The following FGL1 variants were observed in gnomAD, a reference collection of about 807,000 sequenced individuals.
FGL1 encodes fibrinogen like 1.
Under a neutral mutation model 43.7 loss-of-function variants are expected in FGL1, and 59 were observed. The observed-to-expected ratio is 1.35, with a 90% CI of 1.10 to 1.68. The LOEUF is 1.68. Among genes scored for constraint, FGL1 ranks in the 40% most tolerant of loss-of-function variants. The pLI is 0.00. For missense variants in FGL1, 596 were observed against 373.0 expected, an observed-to-expected ratio of 1.60 and a Z score of -4.92; for synonymous variants, 192 against 126.5, an observed-to-expected ratio of 1.52 and a Z score of -3.48.
chr8:17,864,661 C>T lies in FGL1; in HGVS notation c.870G>A (p.Gly290=), dbSNP rs769983802. Residue 290 remains glycine, a synonymous_variant, in exon 8 of 8, where the codon GGG becomes GGA. Coordinates refer to ENST00000427924, the MANE Select transcript of FGL1 (RefSeq NM_004467.4). ...DNGIVWYTWH[G]WWYSLKSVVM... ...CCACAGATTTCAGAGAATACCACCA[C>T]CCATGCCAGGTGTACCAGACAATCC... 3.1e-6 allele frequency: 5 copies of T among 1,613,662 alleles called. No individual in the cohort carries two copies. The highest frequency in any genetic ancestry group is 3.3e-5 in the Admixed American group (2 of 59,900).
At chr8:17,879,161 C>G (rs546334261) in intron 3 of FGL1, among the ~76,000 whole-genome samples, 1 of 151,500 alleles carries the variant, frequency 6.6e-6, no homozygotes, top group African/African-American at 2.4e-5. Context: ...TTCCTATCAT[C>G]TGTCTTATTA....
intron 3 of FGL1, among the ~76,000 whole-genome samples, chr8:17,879,670 C>T (rs1443948888): frequency 6.6e-6 from 1 of 152,056 alleles, no homozygotes; most frequent in African/African-American, 2.4e-5. Flanking sequence ...GAGGCCTCCC[C>T]AGAAGCAGAT....
intron 1 of FGL1, 36 bp from the exon 2 acceptor site, chr8:17,885,607 C>A: frequency 6.3e-7 from 1 of 1,583,470 alleles, no homozygotes; most frequent in Non-Finnish European, 8.6e-7. Context: ...AATGTATCAA[C>A]CTTGAATTTT....
At chr8:17,885,433 G>A (rs1017023495) in intron 2 of FGL1, 59 bp downstream of exon 2, 1 of 1,429,164 alleles carries the variant, frequency 7.0e-7, no homozygotes. Context: ...CAAAATGAAA[G>A]AAAATTCAGA....
chr8:17,883,829 G>A (rs57124971), intron 2 of FGL1, among the ~76,000 whole-genome samples: 13,501 of 136,240 alleles, frequency 0.099, 1,304 homozygotes, highest in African/African-American at 0.25. Context: ...CTTCCCTTAC[G>A]TTTCCTTTCT....
intron 3 of FGL1, among the ~76,000 whole-genome samples, chr8:17,881,684 A>T (rs189753294): frequency 0.021 from 3,250 of 151,492 alleles, 57 homozygotes; most frequent in South Asian, 0.041. Flanking sequence ...ATACAAAAAA[A>T]GTAGCCGGGC....
chr8:17,870,300 A>G (rs187589405), intron 5 of FGL1, among the ~76,000 whole-genome samples: 1 of 152,190 alleles, frequency 6.6e-6, no homozygotes, highest in African/African-American at 2.4e-5. Context: ...GCTACCTTCA[A>G]GTAATCTTTT....
intron 2 of FGL1, among the ~76,000 whole-genome samples, chr8:17,885,264 C>T (rs903397371): frequency 1.3e-5 from 2 of 151,894 alleles, no homozygotes; most frequent in African/African-American, 4.8e-5. Context: ...AGGCTGGTTG[C>T]GAACTCCTGA....
At chr8:17,879,681 G>A (rs2053505973) in intron 3 of FGL1, among the ~76,000 whole-genome samples, 1 of 151,580 alleles carries the variant, frequency 6.6e-6, no homozygotes, top group Non-Finnish European at 1.5e-5. Flanking sequence ...AGAAGCAGAT[G>A]CTGCTATGCT....
intron 5 of FGL1, among the ~76,000 whole-genome samples, chr8:17,870,733 C>T (rs1418480473): frequency 2.0e-5 from 3 of 152,104 alleles, no homozygotes; most frequent in Admixed American, 6.5e-5. Flanking sequence ...TGGTGAAACC[C>T]TGTCTCTATT....
Position 17,864,712 on chromosome 8 carries a change from G to A in FGL1, c.819C>T (p.Gly273=), listed in dbSNP as rs781087649. The A allele has an allele frequency of 1.2e-6, 2 of 1,612,332 alleles. No individual in the cohort carries two copies. The highest frequency in any genetic ancestry group is 2.2e-5 in the East Asian group (1 of 44,824). The part of the protein sequence containing the change: ...SANLNGVYYS[G]PYTAKTDNGI... ...CATTGTCTGTTTTAGCCGTGTAGGGGCCGCTGTAGTATACACCATTCAGGT... is the reference window on the plus strand; with the variant it reads ...CATTGTCTGTTTTAGCCGTGTAGGGACCGCTGTAGTATACACCATTCAGGT... Residue 273 remains glycine (G), a synonymous_variant, in exon 8 of 8, where the codon GGC becomes GGT. Coordinates refer to ENST00000427924, the MANE Select transcript of FGL1 (RefSeq NM_004467.4).
rs1563457629 is a variant in FGL1 at position 17,882,820 on chromosome 8, T to TAGTATATAATATATTAAA, written c.64-642_64-641insTTTAATATATTATATACT. Among the ~76,000 whole-genome samples the TAGTATATAATATATTAAA allele has an allele frequency of 1.2e-3, 140 of 119,996 alleles. 2 individuals carry two copies. The highest frequency in any genetic ancestry group is 2.6e-3 in the African/African-American group (72 of 28,068). The allele number at this position is 119,996 out of a possible 152,430, so 78.7% of individuals were successfully genotyped here. ...AATATATTAAACAATATATAATATA[T>TAGTATATAATATATTAAA]CATATATAATATATTAAATAATATA... is the stretch of plus-strand genomic sequence containing the variant. On this transcript the variant is annotated intron_variant, in intron 2 of 7. Coordinates refer to ENST00000427924, the MANE Select transcript of FGL1 (RefSeq NM_004467.4).
intron 2 of FGL1, among the ~76,000 whole-genome samples, chr8:17,883,817 C>CCCTTCG (rs373385957): frequency 7.2e-6 from 1 of 139,268 alleles, no homozygotes; most frequent in Non-Finnish European, 1.5e-5. Context: ...CTTTCCCTTC[C>CCCTTCG]TCTTCCCTTA....
chr8:17,881,898 C>G, intron 3 of FGL1, 101 bp downstream of exon 3: 1 of 951,570 alleles, frequency 1.1e-6, no homozygotes, highest in Non-Finnish European at 1.6e-6. Flanking sequence ...CTTCATATTG[C>G]TTGTTACTGA....
rs1373998704 is a variant in FGL1, at chr8:17,883,013, T to C, written c.64-834A>G. ...TATATCATATGTAATATATTAAATA[T>C]ATAATATATATCATATGTAATATAT... is the stretch of plus-strand genomic sequence containing the variant. On this transcript the variant is annotated intron_variant, in intron 2 of 7. Transcript: ENST00000427924. Among the ~76,000 whole-genome samples the C allele has an allele frequency of 1.1e-4, 11 of 95,994 alleles. No homozygotes were observed. The East Asian group carries it at 3.4e-3, about 30-fold the overall frequency. 63.0% of individuals were successfully genotyped at this position (95,994 alleles called of 152,430 possible). A position where few individuals can be genotyped will look rare whatever the true frequency, so the allele number is the denominator to read the frequency against.
At chr8:17,875,970 C>T (rs2517296) in intron 3 of FGL1, among the ~76,000 whole-genome samples, 18,865 of 152,078 alleles carry the variant, frequency 0.12, 1,775 homozygotes, top group African/African-American at 0.25. Context: ...TTGGGTCTCA[C>T]CTAGGTTGAT....
chr8:17,876,469 T>A (rs574499637), intron 3 of FGL1, among the ~76,000 whole-genome samples: 20 of 152,292 alleles, frequency 1.3e-4, no homozygotes, highest in African/African-American at 4.6e-4. Flanking sequence ...TAGGCTTTAT[T>A]CATATATTTA....
At position 17,882,881 on chromosome 8, in the gene FGL1, TA is replaced by T. The variant is rs372225917; in HGVS notation, c.64-703del. On this transcript the variant is annotated intron_variant, in intron 2 of 7. Coordinates refer to ENST00000427924, the MANE Select transcript of FGL1 (RefSeq NM_004467.4). ...CATATATAATATATTAAATAATATATAATATATCTCATATATAATATATTAA... is the reference window on the plus strand; with the variant it reads ...CATATATAATATATTAAATAATATATATATATCTCATATATAATATATTAA... Among the ~76,000 whole-genome samples the T allele has an allele frequency of 3.4e-3, 92 of 27,176 alleles. 4 individuals are homozygous for T. Among genetic ancestry groups the T allele is most frequent in the African/African-American group, 9.3e-3 (76 of 8,188 alleles). 17.8% of individuals were successfully genotyped at this position (27,176 alleles called of 152,430 possible).
Position 17,864,456 on chromosome 8 carries a change from C to T in FGL1, c.*136G>A. On this transcript the variant is annotated 3_prime_UTR_variant, in exon 8 of 8. Coordinates refer to ENST00000427924, the MANE Select transcript of FGL1 (RefSeq NM_004467.4). ...GCTGTACTGAAAGCACATTAAGTAACAAAGGCAAGTGAGAAGAATGAAAAG... is the reference window on the plus strand; with the variant it reads ...GCTGTACTGAAAGCACATTAAGTAATAAAGGCAAGTGAGAAGAATGAAAAG... The T allele has an allele frequency of 2.2e-6, 2 of 895,692 alleles. No homozygotes were observed. The highest frequency in any genetic ancestry group is 5.5e-5 in the East Asian group (2 of 36,230). 55.5% of individuals were successfully genotyped at this position (895,692 alleles called of 1,614,324 possible). A position where few individuals can be genotyped will look rare whatever the true frequency, so the allele number is the denominator to read the frequency against.
Sources: allele counts gnomAD v4.1 joint callset (sites outside exome capture counted in the v4.1 genomes callset), GRCh38; gene constraint gnomAD v4.1.1; transcripts MANE v1.5; gene names NCBI Gene and HGNC (gene_info 2026-07-23, HGNC 2026-07-21).